The following MBNL2 variants were observed in gnomAD, a reference collection of about 807,000 sequenced individuals.
The protein encoded by MBNL2 is muscleblind-like protein 2.
A neutral mutation model predicts 41.9 loss-of-function variants in MBNL2; 17 were observed. That is an observed-to-expected ratio of 0.41 (90% CI 0.28 to 0.61). The LOEUF is 0.61. MBNL2 is among the 20% of genes least tolerant of loss of function. MBNL2 has a pLI of 0.35. For synonymous variants in MBNL2, 195 were observed against 182.9 expected (o/e 1.07, Z -0.53); for missense variants, 336 against 505.6 (o/e 0.66, Z 3.22).
chr13:97,323,228 C>T (rs1409175741), intron 2 of MBNL2, among the ~76,000 whole-genome samples: 1 of 152,180 alleles, frequency 6.6e-6, no homozygotes. Context: ...TTGAAAAAGG[C>T]TGTAACAGAA....
At chr13:97,294,482 T>C (rs2056713159) in intron 2 of MBNL2, among the ~76,000 whole-genome samples, 1 of 152,224 alleles carries the variant, frequency 6.6e-6, no homozygotes, top group Non-Finnish European at 1.5e-5. Context: ...GCAGAGAGCA[T>C]TACGGGCTAG....
intron 2 of MBNL2, among the ~76,000 whole-genome samples, chr13:97,298,188 TATAAATAAATAAAA>T (rs1403333879): frequency 1.3e-5 from 2 of 150,982 alleles, no homozygotes; most frequent in Non-Finnish European, 3.0e-5. Flanking sequence ...AAAATAATAA[TATAAATAAATAAAA>T]ATAAATAAAT....
intron 1 of MBNL2, among the ~76,000 whole-genome samples, chr13:97,244,687 A>G (rs892419641): frequency 6.6e-6 from 1 of 152,204 alleles, no homozygotes. Flanking sequence ...ACATTGGTCA[A>G]AGAATCAGAC....
intron 1 of MBNL2, among the ~76,000 whole-genome samples, chr13:97,256,087 T>C (rs2047463959): frequency 6.6e-6 from 1 of 152,140 alleles, no homozygotes; most frequent in South Asian, 2.1e-4. Context: ...AGTATATCCA[T>C]ATTTAAAAGG....
the MBNL2 span, among the ~76,000 whole-genome samples, chr13:97,187,866 G>A: frequency 2.7e-5 from 4 of 148,096 alleles, no homozygotes; most frequent in African/African-American, 4.9e-5. Flanking sequence ...CTGAGATCGC[G>A]CCACCGCACT....
chr13:97,185,475 T>A, the MBNL2 span, among the ~76,000 whole-genome samples: 3,802 of 152,228 alleles, frequency 0.025, 177 homozygotes, highest in African/African-American at 0.087. Flanking sequence ...CAGTTAGGAA[T>A]CTTGAGATCT....
In MBNL2 at chr13:97,346,139, A is replaced by C. The variant is rs920172312; in HGVS notation, c.541-665A>C. Among the ~76,000 whole-genome samples the C allele has an allele frequency of 6.6e-6, 1 of 152,104 alleles. No individual in the cohort carries two copies. The highest frequency in any genetic ancestry group is 2.4e-5 in the African/African-American group (1 of 41,424). On this transcript the variant is annotated intron_variant, in intron 4 of 8. Transcript: ENST00000679496. The surrounding 1 kb of genome is among the most constrained non-coding windows in gnomAD (Gnocchi z 4.2). ...AATGAATGGCTGGCTGGATGGACGG[A>C]TAGATAGATGGTAGGTAGGTAGATA...
chr13:97,180,553 G>A, the MBNL2 span, among the ~76,000 whole-genome samples: 5 of 151,878 alleles, frequency 3.3e-5, no homozygotes, highest in Non-Finnish European at 7.4e-5. Context: ...TAGGCAACAT[G>A]GTGAAACCCT....
the MBNL2 span, among the ~76,000 whole-genome samples, chr13:97,145,203 G>A: frequency 6.6e-6 from 1 of 152,184 alleles, no homozygotes; most frequent in Non-Finnish European, 1.5e-5. Context: ...TGGAAGGACT[G>A]TAAAATTAAC....
intron 1 of MBNL2, among the ~76,000 whole-genome samples, chr13:97,263,925 T>C (rs146670648): frequency 1.3e-5 from 2 of 152,066 alleles, no homozygotes; most frequent in East Asian, 1.9e-4. Context: ...GCCTTACTTT[T>C]ATTTTTTTAA....
At chr13:97,357,340 C>T (rs1257666984) in intron 6 of MBNL2, 142 bp from the exon 7 acceptor site, 5 of 674,594 alleles carry the variant, frequency 7.4e-6, no homozygotes, top group Admixed American at 2.6e-5. Flanking sequence ...TCGACATTGC[C>T]GCTGTTTAAA....
intron 1 of MBNL2, among the ~76,000 whole-genome samples, chr13:97,267,969 G>A (rs2050148188): frequency 6.6e-6 from 1 of 152,294 alleles, no homozygotes; most frequent in South Asian, 2.1e-4. Context: ...TGCATCAGCC[G>A]CCCCCTGGAT....
intron 2 of MBNL2, among the ~76,000 whole-genome samples, chr13:97,291,367 G>A (rs2055927298): frequency 6.6e-6 from 1 of 151,694 alleles, no homozygotes; most frequent in South Asian, 2.1e-4. Flanking sequence ...TCAGCCTCCC[G>A]AGTAGTTGGG....
chr13:97,282,327 C>A (rs1404046840), intron 2 of MBNL2, among the ~76,000 whole-genome samples: 1 of 152,028 alleles, frequency 6.6e-6, no homozygotes, highest in African/African-American at 2.4e-5. Context: ...TGTACTCCAG[C>A]CTGGGGGACA....
the MBNL2 span, among the ~76,000 whole-genome samples, chr13:97,203,955 CAGATGGATGGTTGGATGGAT>C: frequency 6.6e-6 from 1 of 151,706 alleles, no homozygotes; most frequent in Non-Finnish European, 1.5e-5. Flanking sequence ...GATGGATGGA[CAGATGGATGGTTGGATGGAT>C]GGATGAATGG....
the MBNL2 span, among the ~76,000 whole-genome samples, chr13:97,168,440 T>C: frequency 1.3e-5 from 2 of 152,184 alleles, no homozygotes; most frequent in Non-Finnish European, 2.9e-5. Flanking sequence ...TAAAAGAGAA[T>C]ATTGTATAAA....
At chr13:97,173,985 C>T in the MBNL2 span, among the ~76,000 whole-genome samples, 1 of 152,176 alleles carries the variant, frequency 6.6e-6, no homozygotes, top group Non-Finnish European at 1.5e-5. Flanking sequence ...CATTTTATAT[C>T]ATCTGTCTCA....
intron 8 of MBNL2, among the ~76,000 whole-genome samples, chr13:97,384,112 G>C (rs950714558): frequency 6.6e-6 from 1 of 151,946 alleles, no homozygotes. Context: ...CGTTGGCCAG[G>C]CTGGTCTCGA....
intron 1 of MBNL2, among the ~76,000 whole-genome samples, chr13:97,231,661 A>G (rs1017262330): frequency 1.3e-5 from 2 of 152,146 alleles, no homozygotes; most frequent in Admixed American, 6.5e-5. Flanking sequence ...TTCTGTGACT[A>G]CACACAGCCT....
Sources: gnomAD v4.1 joint callset for allele counts (sites outside exome capture counted in the v4.1 genomes callset) on GRCh38, gnomAD v4.1.1 for gene constraint, Gnocchi (gnomAD v3.1) non-coding constraint, MANE v1.5 for transcripts, NCBI Gene and HGNC (gene_info 2026-07-23, HGNC 2026-07-21) for gene names.